Variants in MINDY3 observed in about 807,000 individuals in gnomAD.
MINDY3 encodes MINDY lysine 48 deubiquitinase 3, also known as ubiquitin carboxyl-terminal hydrolase MINDY-3.
A neutral mutation model predicts 69.2 loss-of-function variants in MINDY3; 38 were observed. The ratio of observed to expected loss-of-function variants is 0.55; its 90% CI spans 0.42 to 0.72. The LOEUF (loss-of-function observed/expected upper bound fraction) is 0.72. Among genes scored for constraint, MINDY3 ranks in the 30% least tolerant of loss-of-function variants. The probability of loss-of-function intolerance (pLI) is 0.00; values close to 1 mark genes in which losing one functional copy is unlikely to be tolerated. For synonymous variants in MINDY3, 192 were observed against 180.1 expected, an observed-to-expected ratio of 1.07 and a Z score of -0.53; for missense variants, 522 against 519.0, an observed-to-expected ratio of 1.01 and a Z score of -0.06.
chr10:15,787,709 T>C (rs1246367545), intron 12 of MINDY3, among the ~76,000 whole-genome samples: 1 of 152,152 alleles, frequency 6.6e-6, no homozygotes, highest in African/African-American at 2.4e-5. Flanking sequence ...TGACGTCTAG[T>C]ATTGGCCCTG....
intron 12 of MINDY3, among the ~76,000 whole-genome samples, chr10:15,787,897 T>G (rs760467724): frequency 1.3e-5 from 2 of 152,166 alleles, no homozygotes; most frequent in South Asian, 4.1e-4. Flanking sequence ...TGGGCCATTC[T>G]GTATTACAGT....
At chr10:15,846,409 G>A (rs1361286628) in intron 2 of MINDY3, among the ~76,000 whole-genome samples, 1 of 152,072 alleles carries the variant, frequency 6.6e-6, no homozygotes. Flanking sequence ...ATTCCTACTA[G>A]CAACCAAAAG....
intron 8 of MINDY3, among the ~76,000 whole-genome samples, chr10:15,832,337 A>G (rs1222366110): frequency 6.6e-5 from 10 of 152,150 alleles, no homozygotes; most frequent in African/African-American, 2.2e-4. Context: ...GGGGGTCCAG[A>G]AACAACTGGA....
At chr10:15,845,384 C>A (rs1833758950) in intron 2 of MINDY3, among the ~76,000 whole-genome samples, 1 of 152,106 alleles carries the variant, frequency 6.6e-6, no homozygotes, top group African/African-American at 2.4e-5. Flanking sequence ...AATTTTTATA[C>A]TCTAAAAAAG....
At chr10:15,855,897 T>C (rs1834654041) in intron 1 of MINDY3, among the ~76,000 whole-genome samples, 1 of 152,108 alleles carries the variant, frequency 6.6e-6, no homozygotes, top group Non-Finnish European at 1.5e-5. Flanking sequence ...ATATAAGATA[T>C]TATCACAGAT....
chr10:15,808,858 C>A (rs1838808233), intron 10 of MINDY3, among the ~76,000 whole-genome samples: 1 of 152,052 alleles, frequency 6.6e-6, no homozygotes, highest in Non-Finnish European at 1.5e-5. Context: ...AGCAAATTAG[C>A]CACTGATCTT....
rs1005906247 is a variant in MINDY3, at chr10:15,799,948, G to A, written c.883-3776C>T. On this transcript the variant is annotated intron_variant, in intron 10 of 14. Transcript: ENST00000277632. The stretch of plus-strand genomic sequence containing the variant: ...GAGGTTACGGCTGGGGAACTTGCAA[G>A]GGAAAATATTGAAAACTTATGGAAG... Among the ~76,000 whole-genome samples the A allele has an allele frequency of 6.0e-4, 91 of 152,096 alleles. 5 individuals are homozygous for A. The highest frequency in any genetic ancestry group is 4.4e-5 in the Non-Finnish European group (3 of 68,008).
chr10:15,796,470 T>C (rs1837837603), intron 10 of MINDY3, among the ~76,000 whole-genome samples: 3 of 146,782 alleles, frequency 2.0e-5, no homozygotes, highest in Admixed American at 2.0e-4. Flanking sequence ...TATAAAAATG[T>C]AGCATGAAAA....
chr10:15,808,755 C>G (rs934879085), intron 10 of MINDY3, among the ~76,000 whole-genome samples: 1 of 152,100 alleles, frequency 6.6e-6, no homozygotes, highest in Admixed American at 6.6e-5. Context: ...GTTCCGCACA[C>G]ACATAGAGCC....
intron 10 of MINDY3, among the ~76,000 whole-genome samples, chr10:15,801,794 G>A (rs532844435): frequency 5.9e-5 from 9 of 152,110 alleles, no homozygotes; most frequent in Non-Finnish European, 1.0e-4. Flanking sequence ...AGAGAACACT[G>A]TGTCCAGATA....
intron 9 of MINDY3, among the ~76,000 whole-genome samples, chr10:15,820,417 A>G (rs1839677757): frequency 6.6e-6 from 1 of 152,174 alleles, no homozygotes; most frequent in Admixed American, 6.5e-5. Context: ...CTAGCCTCAT[A>G]CAAGACGCAG....
intron 10 of MINDY3, among the ~76,000 whole-genome samples, chr10:15,811,048 G>T (rs1838963435): frequency 6.6e-6 from 1 of 152,072 alleles, no homozygotes; most frequent in African/African-American, 2.4e-5. Context: ...TATTGGCAAA[G>T]ATGTGGAAAA....
At chr10:15,816,131 T>C (rs552742366) in intron 10 of MINDY3, among the ~76,000 whole-genome samples, 1 of 151,764 alleles carries the variant, frequency 6.6e-6, no homozygotes, top group East Asian at 1.9e-4. Context: ...TGTGGTGGCA[T>C]GCACCTGTAG....
chr10:15,781,401 T>TTA (rs372810709), intron 14 of MINDY3, among the ~76,000 whole-genome samples: 4,262 of 145,682 alleles, frequency 0.029, 107 homozygotes, highest in African/African-American at 0.073. Context: ...TACATATATA[T>TTA]TATATATATA....
chr10:15,843,232 G>C lies in MINDY3; in HGVS notation c.215C>G (p.Ser72Cys). ...LKKLLFSSEK[S>C]SWRDCSEEEQ... Reference sequence around the variant, plus strand: ...CATACCTGAACAATCCCGCCAAGAAGACTTCTCCGAAGAAAACAGGAGCTT... The same window carrying C: ...CATACCTGAACAATCCCGCCAAGAACACTTCTCCGAAGAAAACAGGAGCTT... The change falls in exon 3 of 15, where the codon TCT becomes TGT. Residue 72 changes from serine to cysteine, a missense_variant. By Grantham distance (112) the Ser-to-Cys change is moderately radical (BLOSUM62 -1). Coordinates refer to ENST00000277632, the MANE Select transcript of MINDY3 (RefSeq NM_024948.4). 6.2e-7 allele frequency: 1 copy of C among 1,612,944 alleles called. No individual in the cohort carries two copies. Among genetic ancestry groups the C allele is most frequent in the Non-Finnish European group, 8.5e-7 (1 of 1,179,088 alleles).
rs770970075 is a variant in MINDY3 at position 15,808,683 on chromosome 10, A to G, written c.882+8152T>C. ...CTTTATATGAACAGTTCTGTCATGG[A>G]TATTCACGTGTTCATGCCTGACAAG... On this transcript the variant is annotated intron_variant, in intron 10 of 14. Coordinates refer to ENST00000277632, the MANE Select transcript of MINDY3 (RefSeq NM_024948.4). Among the ~76,000 whole-genome samples, 11 of 152,326 alleles carry G rather than the reference A, an allele frequency of 7.2e-5. No homozygotes were observed. In the South Asian group the frequency reaches 1.4e-3, roughly 20 times the overall value.
intron 8 of MINDY3, among the ~76,000 whole-genome samples, chr10:15,822,333 T>C (rs984690690): frequency 3.9e-5 from 6 of 151,936 alleles, no homozygotes; most frequent in Non-Finnish European, 8.8e-5. Flanking sequence ...GTGGTCTCTC[T>C]GTACACACAC....
At chr10:15,859,582 C>T (rs1231615528) in intron 1 of MINDY3, among the ~76,000 whole-genome samples, 1 of 152,104 alleles carries the variant, frequency 6.6e-6, no homozygotes, top group African/African-American at 2.4e-5. Context: ...ACAAGCATAC[C>T]GGCCGAGGAA....
At chr10:15,786,793 C>A in intron 12 of MINDY3, 145 bp from the exon 13 acceptor site, 1 of 608,810 alleles carries the variant, frequency 1.6e-6, no homozygotes, top group South Asian at 1.8e-5. Context: ...ATGACAAATA[C>A]ACAGGAATGA....
Sources: gnomAD v4.1 joint callset for allele counts (sites outside exome capture counted in the v4.1 genomes callset) on GRCh38, gnomAD v4.1.1 for gene constraint, MANE v1.5 for transcripts, NCBI Gene and HGNC (gene_info 2026-07-23, HGNC 2026-07-21) for gene names.